Variants in STXBP5 observed in about 807,000 individuals in gnomAD.
STXBP5 encodes the protein syntaxin binding protein 5.
A neutral mutation model predicts 152.4 loss-of-function variants in STXBP5; 50 were observed. That is an observed-to-expected ratio of 0.33 (90% confidence interval 0.26 to 0.42). The LOEUF (loss-of-function observed/expected upper bound fraction) is 0.42, where lower values mean the gene tolerates loss of function less well. STXBP5 is among the 10% of genes least tolerant of loss of function. STXBP5 has a pLI of 1.00. For missense variants in STXBP5, 1,167 were observed against 1,388.6 expected (o/e 0.84, Z 2.54); for synonymous variants, 492 against 494.7 (o/e 0.99, Z 0.07).
intron 2 of STXBP5, among the ~76,000 whole-genome samples, chr6:147,224,077 C>G (rs971121680): frequency 6.6e-6 from 1 of 152,146 alleles, no homozygotes; most frequent in Non-Finnish European, 1.5e-5. Context: ...GTCAAGAGAA[C>G]GAGCAATATA....
chr6:147,236,866 C>T (rs1226920000), intron 3 of STXBP5, among the ~76,000 whole-genome samples: 2 of 151,668 alleles, frequency 1.3e-5, no homozygotes, highest in Non-Finnish European at 2.9e-5. Context: ...GCAACCTCCG[C>T]CTCCCGGGTT....
chr6:147,338,115 A>G (rs562058633), intron 19 of STXBP5, among the ~76,000 whole-genome samples: 4 of 152,238 alleles, frequency 2.6e-5, no homozygotes, highest in Admixed American at 2.0e-4. Context: ...CATCGTAGGT[A>G]TTTGCCTCTG....
At chr6:147,243,266 T>C (rs1236025701) in intron 4 of STXBP5, among the ~76,000 whole-genome samples, 1 of 152,212 alleles carries the variant, frequency 6.6e-6, no homozygotes, top group Non-Finnish European at 1.5e-5. Context: ...TGCCAGTTAA[T>C]GGACGTTAGC....
In STXBP5 at chr6:147,310,255, T is replaced by C. The variant is rs750891168; in HGVS notation, c.1072+17T>C. On this transcript the variant is annotated intron_variant, in intron 10 of 27. Coordinates refer to ENST00000321680, the MANE Select transcript of STXBP5 (RefSeq NM_001127715.4). ...ACCCAAATGGTAAGCTTTGCAACTT[T>C]AAAGCTCATTCTCTATAGAGAGCTG... The C allele has an allele frequency of 3.9e-6, 6 of 1,527,798 alleles. No homozygotes were observed. The East Asian group carries it at 1.4e-4, about 36-fold the overall frequency. The allele number at this position is 1,527,798 out of a possible 1,614,324, so 94.6% of individuals were successfully genotyped here. A position where few individuals can be genotyped will look rare whatever the true frequency, so the allele number is the denominator to read the frequency against.
chr6:147,210,505 C>CA lies in STXBP5; in HGVS notation c.248+4440dup, dbSNP rs1389860899. ...CCATTTATTTTCTGTCAGTGTTTCTCAAAGTGGTAGCTTTTTGGGCAGAAT... is the reference window on the plus strand; with the variant it reads ...CCATTTATTTTCTGTCAGTGTTTCTCAAAAGTGGTAGCTTTTTGGGCAGAAT... On this transcript the variant is annotated intron_variant, in intron 2 of 27. Transcript: ENST00000321680. Among the ~76,000 whole-genome samples, 7 of 152,202 alleles carry CA rather than the reference C, an allele frequency of 4.6e-5. No homozygotes were observed. The South Asian group carries it at 6.2e-4, about 14-fold the overall frequency.
intron 9 of STXBP5, among the ~76,000 whole-genome samples, chr6:147,309,397 G>GA: frequency 6.6e-6 from 1 of 152,114 alleles, no homozygotes; most frequent in South Asian, 2.1e-4. Context: ...CATAATATGT[G>GA]AAAAAATAAG....
At chr6:147,266,820 T>C (rs900877480) in intron 6 of STXBP5, among the ~76,000 whole-genome samples, 2 of 152,144 alleles carry the variant, frequency 1.3e-5, no homozygotes, top group African/African-American at 2.4e-5. Context: ...TACAAAAGTT[T>C]TGAAAAGACT....
At position 147,359,212 on chromosome 6, in the gene STXBP5, T is replaced by C; in HGVS notation, c.2434T>C (p.Ser812Pro). 1.2e-6 allele frequency: 2 copies of C among 1,614,070 alleles called. No homozygotes were observed. The highest frequency in any genetic ancestry group is 1.7e-6 in the Non-Finnish European group (2 of 1,179,958). ...TFTRKTDSSPSPCLWVGTTLG... is the reference protein window; with the variant it reads ...TFTRKTDSSPPPCLWVGTTLG... Reference sequence around the variant, plus strand: ...TACTCGAAAGACGGACTCGTCCCCTTCCCCTTGTCTATGGGTTGGAACAAC... The same window carrying C: ...TACTCGAAAGACGGACTCGTCCCCTCCCCCTTGTCTATGGGTTGGAACAAC... The change falls in exon 23 of 28, where the codon TCC (serine) becomes CCC (proline). Residue 812 changes from serine to proline, a missense_variant. Around this residue, in one of 3 missense-constraint regions of STXBP5, gnomAD observed 833 missense variants for 986.3 expected, o/e 0.84. Transcript: ENST00000321680.
At chr6:147,363,805 T>C in intron 24 of STXBP5, 101 bp downstream of exon 24, 1 of 1,470,772 alleles carries the variant, frequency 6.8e-7, no homozygotes, top group South Asian at 1.4e-5. Flanking sequence ...GTGTATAGTC[T>C]TATACTCTGA....
intron 4 of STXBP5, among the ~76,000 whole-genome samples, chr6:147,244,537 A>C (rs1476669796): frequency 1.3e-5 from 2 of 152,164 alleles, no homozygotes; most frequent in South Asian, 2.1e-4. Context: ...CCGAAATTGC[A>C]ATGTTTTTAT....
chr6:147,342,729 T>G (rs1044235642), intron 21 of STXBP5, among the ~76,000 whole-genome samples: 2 of 152,182 alleles, frequency 1.3e-5, no homozygotes, highest in Admixed American at 6.5e-5. Context: ...AGCTTTTTGT[T>G]ATTTTTAATT....
chr6:147,312,743 A>C (rs1782448446), intron 11 of STXBP5, among the ~76,000 whole-genome samples: 1 of 152,186 alleles, frequency 6.6e-6, no homozygotes, highest in South Asian at 2.1e-4. Context: ...TACTTTTACT[A>C]ATCAATTGTG....
In STXBP5 at chr6:147,297,250, A is replaced by G. The variant is rs550012153; in HGVS notation, c.917+6078A>G. Among the ~76,000 whole-genome samples the G allele has an allele frequency of 3.9e-5, 6 of 152,336 alleles. No homozygotes were observed. The South Asian group carries it at 6.2e-4, about 16-fold the overall frequency. On this transcript the variant is annotated intron_variant, in intron 9 of 27. Transcript: ENST00000321680. Reference sequence around the variant, plus strand: ...TAAGGGTATCTTCATTAGATTATCAACGGATTTCTCAGCAGAAGCCTTGCA... The same window carrying G: ...TAAGGGTATCTTCATTAGATTATCAGCGGATTTCTCAGCAGAAGCCTTGCA...
At chr6:147,244,774 T>TA (rs1778724961) in intron 4 of STXBP5, among the ~76,000 whole-genome samples, 1 of 152,132 alleles carries the variant, frequency 6.6e-6, no homozygotes, top group Non-Finnish European at 1.5e-5. Flanking sequence ...CTTCAACACT[T>TA]TGAAGTTGTT....
intron 9 of STXBP5, chr6:147,293,531 G>A (rs1206937224): frequency 6.6e-6 from 1 of 152,118 alleles, no homozygotes; most frequent in African/African-American, 2.4e-5. Context: ...TTCCTATCAG[G>A]TATCATAAGC....
At chr6:147,336,765 A>T (rs1409963914) in intron 19 of STXBP5, among the ~76,000 whole-genome samples, 1 of 152,138 alleles carries the variant, frequency 6.6e-6, no homozygotes, top group Non-Finnish European at 1.5e-5. Context: ...TCTCTTGTAA[A>T]TATTAAGTGG....
chr6:147,226,610 A>G (rs1217669467), intron 2 of STXBP5, among the ~76,000 whole-genome samples: 1 of 152,346 alleles, frequency 6.6e-6, no homozygotes, highest in South Asian at 2.1e-4. Flanking sequence ...AAAGAATGGC[A>G]TGAACATATA....
intron 18 of STXBP5, 74 bp from the exon 19 acceptor site, chr6:147,334,083 G>A (rs1783711821): frequency 1.4e-6 from 2 of 1,421,768 alleles, no homozygotes; most frequent in Admixed American, 1.8e-5. Context: ...AGTTAAATGT[G>A]TACTATAAAT....
intron 8 of STXBP5, among the ~76,000 whole-genome samples, chr6:147,281,187 G>A (rs188391734): frequency 2.0e-5 from 3 of 152,244 alleles, no homozygotes; most frequent in Admixed American, 1.3e-4. Context: ...CTCCTGAGTA[G>A]CTGGGATTAC....
Sources: allele counts gnomAD v4.1 joint callset (sites outside exome capture counted in the v4.1 genomes callset), GRCh38; gene constraint gnomAD v4.1.1; regional missense constraint gnomAD v4.1.1; transcripts MANE v1.5; gene names NCBI Gene and HGNC (gene_info 2026-07-23, HGNC 2026-07-21).